The following TENM4 variants were observed in gnomAD, a reference collection of about 807,000 sequenced individuals.
The protein encoded by TENM4 is teneurin transmembrane protein 4, also known as teneurin-4.
Under a neutral mutation model 243.3 loss-of-function variants are expected in TENM4, and 82 were observed. That is an observed-to-expected ratio of 0.34 (90% CI 0.28 to 0.40). The LOEUF (loss-of-function observed/expected upper bound fraction) is 0.40, where lower values mean the gene tolerates loss of function less well. Among genes scored for constraint, TENM4 ranks in the 10% least tolerant of loss-of-function variants. The pLI, the probability that TENM4 is intolerant of heterozygous loss-of-function variation, is 1.00. For synonymous variants in TENM4, 1,412 were observed against 1,456.3 expected, an observed-to-expected ratio of 0.97 and a Z score of 0.69; for missense variants, 3,138 against 3,673.3, an observed-to-expected ratio of 0.85 and a Z score of 3.77.
intron 4 of TENM4, chr11:79,096,093 T>C (rs922876538): frequency 6.6e-6 from 1 of 152,252 alleles, no homozygotes; most frequent in African/African-American, 2.4e-5. Context: ...CCAATGCTGC[T>C]TCTTAACAGC....
At position 78,764,065 on chromosome 11, in the gene TENM4, G is replaced by A. The variant is rs536792916; in HGVS notation, c.2539+6927C>T. Reference sequence around the variant, plus strand: ...TCTGCGTCCTTATCAGGGAGGCCAAGAGTACATGGGGCAGTCTCAAGGCTG... The same window carrying A: ...TCTGCGTCCTTATCAGGGAGGCCAAAAGTACATGGGGCAGTCTCAAGGCTG... On this transcript the variant is annotated intron_variant, in intron 18 of 33. Transcript: ENST00000278550. Among the ~76,000 whole-genome samples, 5 of 152,352 alleles carry A rather than the reference G, an allele frequency of 3.3e-5. No individual in the cohort carries two copies. In the South Asian group the frequency reaches 1.0e-3, roughly 32 times the overall value.
At chr11:78,833,677 C>T (rs573418544) in intron 12 of TENM4, among the ~76,000 whole-genome samples, 1 of 152,310 alleles carries the variant, frequency 6.6e-6, no homozygotes, top group East Asian at 1.9e-4. Flanking sequence ...GCTTCCTGGA[C>T]CCCCTTCCTT....
intron 3 of TENM4, among the ~76,000 whole-genome samples, chr11:79,208,918 C>A (rs546858082): frequency 1.3e-5 from 2 of 152,166 alleles, no homozygotes; most frequent in Non-Finnish European, 2.9e-5. Context: ...CATTTCTCAG[C>A]GGGTAAGTCA....
intron 6 of TENM4, among the ~76,000 whole-genome samples, chr11:78,981,808 T>C (rs1857800876): frequency 6.6e-6 from 1 of 152,182 alleles, no homozygotes; most frequent in East Asian, 1.9e-4. Flanking sequence ...GACAGAGTCT[T>C]CATAAAAACC....
At chr11:79,429,754 A>G (rs1267381286) in intron 1 of TENM4, among the ~76,000 whole-genome samples, 1 of 152,200 alleles carries the variant, frequency 6.6e-6, no homozygotes, top group African/African-American at 2.4e-5. Flanking sequence ...TGAAGCAGTG[A>G]CTTAGTGGTA....
At chr11:79,192,515 A>G (rs1204918557) in intron 3 of TENM4, among the ~76,000 whole-genome samples, 1 of 152,170 alleles carries the variant, frequency 6.6e-6, no homozygotes, top group Admixed American at 6.5e-5. Context: ...ACTCAGGGTT[A>G]AATGGATTAA....
At chr11:79,428,910 G>A (rs764717042) in intron 1 of TENM4, among the ~76,000 whole-genome samples, 4 of 152,176 alleles carry the variant, frequency 2.6e-5, no homozygotes, top group Non-Finnish European at 4.4e-5. Flanking sequence ...CAAGCCTGCT[G>A]TACCTTAGAA....
At chr11:79,371,960 G>C (rs774628765) in intron 1 of TENM4, among the ~76,000 whole-genome samples, 1 of 152,154 alleles carries the variant, frequency 6.6e-6, no homozygotes, top group African/African-American at 2.4e-5. Flanking sequence ...TGGCAGCTGC[G>C]ATGAACTGAG....
In TENM4 at chr11:78,658,536, A is replaced by G. The variant is rs1206725543; in HGVS notation, c.7832T>C (p.Ile2611Thr). The change falls in exon 34 of 34, where the codon ATT (isoleucine) becomes ACT (threonine). Residue 2611 changes from isoleucine to threonine, a missense_variant. Around this residue, in one of 2 missense-constraint regions of TENM4, gnomAD observed 2,467 missense variants for 3,059.1 expected, o/e 0.81. Coordinates refer to ENST00000278550, the MANE Select transcript of TENM4 (RefSeq NM_001098816.3). ...AHYLENLHFT[I>T]DGVDTHYFVK... ...AAAGTAATGGGTATCCACCCCATCAATGGTGAAGTGCAGGTTCTCTAGGTA... is the reference window on the plus strand; with the variant it reads ...AAAGTAATGGGTATCCACCCCATCAGTGGTGAAGTGCAGGTTCTCTAGGTA... 1 of 1,614,028 alleles carries G rather than the reference A, an allele frequency of 6.2e-7. No homozygotes were observed. Among genetic ancestry groups the G allele is most frequent in the Non-Finnish European group, 8.5e-7 (1 of 1,179,890 alleles).
chr11:78,910,672 T>G (rs752886064), intron 6 of TENM4, among the ~76,000 whole-genome samples: 7 of 152,216 alleles, frequency 4.6e-5, no homozygotes, highest in African/African-American at 7.2e-5. Flanking sequence ...AAACAATCAG[T>G]ATTATTGTTA....
At position 78,854,274 on chromosome 11, in the gene TENM4, G is replaced by T. The variant is rs1288683968; in HGVS notation, c.1511C>A (p.Thr504Asn). The T allele has an allele frequency of 1.3e-6, 2 of 1,526,550 alleles. No homozygotes were observed. The highest frequency in any genetic ancestry group is 1.4e-5 in the African/African-American group (1 of 71,812). 94.6% of individuals were successfully genotyped at this position (1,526,550 alleles called of 1,614,324 possible). A position where few individuals can be genotyped will look rare whatever the true frequency, so the allele number is the denominator to read the frequency against. The change falls in exon 12 of 34, where the codon ACC becomes AAC. Residue 504 changes from threonine (T) to asparagine (N), a missense_variant. By Grantham distance (65) the Thr-to-Asn change is moderately conservative. Coordinates refer to ENST00000278550, the MANE Select transcript of TENM4 (RefSeq NM_001098816.3). ...CCCCTCTAGGCTCCGCGCCTCCTGG[G>T]TTAGGAGCCTCCTGCCATCCAGCAG... Reference protein sequence around the residue: ...VELLDGRRLLTQEARSLEGTP... With the variant: ...VELLDGRRLLNQEARSLEGTP...
intron 2 of TENM4, among the ~76,000 whole-genome samples, chr11:79,254,461 G>T (rs1200488248): frequency 6.6e-6 from 1 of 152,196 alleles, no homozygotes; most frequent in Non-Finnish European, 1.5e-5. Context: ...TTTTACGGAA[G>T]AATAGCAGAA....
chr11:78,814,223 T>C, intron 13 of TENM4, 71 bp downstream of exon 13: 2 of 1,438,430 alleles, frequency 1.4e-6, no homozygotes, highest in Non-Finnish European at 1.9e-6. Context: ...GCACTTGCTC[T>C]GAGAAGTAGA....
chr11:79,123,640 TG>T (rs1464448645), intron 4 of TENM4, among the ~76,000 whole-genome samples: 2 of 148,920 alleles, frequency 1.3e-5, no homozygotes, highest in Non-Finnish European at 3.0e-5. Context: ...GAGCACTCAC[TG>T]GGGGACAGAG....
chr11:79,215,352 C>T (rs866104808), intron 3 of TENM4, among the ~76,000 whole-genome samples: 12 of 152,332 alleles, frequency 7.9e-5, no homozygotes, highest in South Asian at 4.1e-4. Flanking sequence ...CTCACCTCCC[C>T]GTATCCTATT....
intron 6 of TENM4, among the ~76,000 whole-genome samples, chr11:79,056,872 TGGGAGAAGGATCAGGGGCAA>T: frequency 6.6e-6 from 1 of 152,170 alleles, no homozygotes; most frequent in Non-Finnish European, 1.5e-5. Flanking sequence ...GCTGTGAGGC[TGGGAGAAGGATCAGGGGCAA>T]GCCCCCCGTC....
At chr11:78,735,841 C>CCTCCT (rs911252565) in intron 20 of TENM4, among the ~76,000 whole-genome samples, 1 of 149,320 alleles carries the variant, frequency 6.7e-6, no homozygotes, top group Non-Finnish European at 1.5e-5. Context: ...GGCTCCCACC[C>CCTCCT]CTCCCCTCCC....
At chr11:79,054,424 C>T (rs1178855169) in intron 6 of TENM4, among the ~76,000 whole-genome samples, 2 of 152,028 alleles carry the variant, frequency 1.3e-5, no homozygotes, top group African/African-American at 4.8e-5. Flanking sequence ...CATCATGAAT[C>T]ATGGAGTTTT....
chr11:78,963,908 T>C (rs1460049672), intron 6 of TENM4, among the ~76,000 whole-genome samples: 1 of 151,460 alleles, frequency 6.6e-6, no homozygotes, highest in African/African-American at 2.4e-5. Context: ...TTTTTCTTTT[T>C]TTGTATTTTT....
Sources: gnomAD v4.1 joint callset for allele counts (sites outside exome capture counted in the v4.1 genomes callset) on GRCh38, gnomAD v4.1.1 for gene constraint, gnomAD v4.1.1 regional missense constraint, MANE v1.5 for transcripts, NCBI Gene and HGNC (gene_info 2026-07-23, HGNC 2026-07-21) for gene names.